DRC12: variants seen among roughly 807,000 people sequenced by gnomAD.
The protein encoded by DRC12 is dynein regulatory complex protein 12.
At chr11:119,191,994 T>A in the DRC12 span, among the ~76,000 whole-genome samples, 62 of 132,568 alleles carry the variant, frequency 4.7e-4, no homozygotes, top group African/African-American at 1.8e-3. Flanking sequence ...TTTTTTTTTT[T>A]AGTTGGAATC....
the DRC12 span, chr11:119,195,279 A>G: frequency 2.7e-6 from 2 of 742,526 alleles, no homozygotes; most frequent in Non-Finnish European, 4.5e-6. Flanking sequence ...AGCTCCCTGG[A>G]TCTGGCTGTG....
the DRC12 span, chr11:119,193,247 G>A: frequency 8.1e-6 from 13 of 1,613,640 alleles, no homozygotes; most frequent in South Asian, 1.3e-4. Context: ...CTCATCTCTG[G>A]GGTGGGGGCA....
the DRC12 span, among the ~76,000 whole-genome samples, chr11:119,194,542 A>AAATAAAT: frequency 2.1e-5 from 1 of 48,150 alleles, no homozygotes; most frequent in African/African-American, 8.7e-5. Context: ...AAAAAAAAAA[A>AAATAAAT]AAATAAATAA....
At chr11:119,190,333 A>C in the DRC12 span, 2 of 1,613,832 alleles carry the variant, frequency 1.2e-6, no homozygotes. The surrounding 1 kb of genome is among the most constrained non-coding windows in gnomAD (Gnocchi z 4.2). Context: ...TCAAAGATCC[A>C]GGGGGGGTGA....
chr11:119,192,700 G>A, the DRC12 span, among the ~76,000 whole-genome samples: 1 of 152,138 alleles, frequency 6.6e-6, no homozygotes, highest in African/African-American at 2.4e-5. Context: ...AGGCTGGAGT[G>A]CAATGGCGTG....
chr11:119,195,731 T>G, the DRC12 span: 1 of 489,844 alleles, frequency 2.0e-6, no homozygotes, highest in Admixed American at 3.7e-5. Context: ...CAACTCTCTT[T>G]TAGAGAAACG....
chr11:119,194,342 G>T, the DRC12 span, among the ~76,000 whole-genome samples: 1 of 151,710 alleles, frequency 6.6e-6, no homozygotes, highest in East Asian at 1.9e-4. Flanking sequence ...GTGAAAACCC[G>T]TCTCTACTAA....
the DRC12 span, chr11:119,190,274 CTT>C: frequency 6.2e-7 from 1 of 1,613,972 alleles, no homozygotes; most frequent in Non-Finnish European, 8.5e-7. This position sits in a 1 kb window ranked among gnomAD's most constrained non-coding sequence, Gnocchi z 4.2. Context: ...CATCAAGACA[CTT>C]TATTGCTGGG....
chr11:119,193,852 G>A, the DRC12 span: 1 of 1,551,556 alleles, frequency 6.4e-7, no homozygotes, highest in Non-Finnish European at 8.7e-7. Flanking sequence ...GTCTTCGGAA[G>A]CCTTGGCTCG....
At chr11:119,190,683 G>A in the DRC12 span, 3 of 1,606,340 alleles carry the variant, frequency 1.9e-6, no homozygotes, top group Non-Finnish European at 2.6e-6. The surrounding 1 kb of genome is among the most constrained non-coding windows in gnomAD (Gnocchi z 4.2). Context: ...GTACTGGGAT[G>A]GCTGGGATCC....
the DRC12 span, chr11:119,190,494 G>C: frequency 6.2e-7 from 1 of 1,611,676 alleles, no homozygotes; most frequent in Non-Finnish European, 8.5e-7. The surrounding 1 kb of genome is among the most constrained non-coding windows in gnomAD (Gnocchi z 4.2). Flanking sequence ...GAGAGAGAGG[G>C]AAGGAGTGAG....
At chr11:119,195,628 G>T in the DRC12 span, 1 of 672,796 alleles carries the variant, frequency 1.5e-6, no homozygotes, top group Admixed American at 2.7e-5. Context: ...TCAGTTCACA[G>T]TCTCTTTGGA....
chr11:119,193,980 G>A, the DRC12 span: 4 of 1,248,258 alleles, frequency 3.2e-6, no homozygotes, highest in South Asian at 1.4e-5. Context: ...CTAGAAATCT[G>A]GTGGTGGGGT....
At chr11:119,194,773 C>CA in the DRC12 span, 3 of 402,940 alleles carry the variant, frequency 7.4e-6, no homozygotes, top group South Asian at 2.6e-5. Context: ...TCTCACTGCC[C>CA]ACCCTCTCTC....
chr11:119,190,673 G>C, the DRC12 span: 2 of 1,603,366 alleles, frequency 1.2e-6, no homozygotes, highest in Admixed American at 3.4e-5. This position sits in a 1 kb window ranked among gnomAD's most constrained non-coding sequence, Gnocchi z 4.2. Context: ...GGAGTCCTGG[G>C]TACTGGGATG....
At chr11:119,194,542 A>AAAAAAAT in the DRC12 span, among the ~76,000 whole-genome samples, 7 of 48,212 alleles carry the variant, frequency 1.5e-4, no homozygotes, top group African/African-American at 6.1e-4. Context: ...AAAAAAAAAA[A>AAAAAAAT]AAATAAATAA....
chr11:119,190,371 G>T, the DRC12 span: 1 of 1,613,974 alleles, frequency 6.2e-7, no homozygotes, highest in Non-Finnish European at 8.5e-7. This position sits in a 1 kb window ranked among gnomAD's most constrained non-coding sequence, Gnocchi z 4.2. Flanking sequence ...TGCTCCTTGT[G>T]CCTGGCGTGA....
At chr11:119,190,596 G>A in the DRC12 span, 674 of 1,548,934 alleles carry the variant, frequency 4.4e-4, 7 homozygotes, top group Middle Eastern at 1.7e-4. The surrounding 1 kb of genome is among the most constrained non-coding windows in gnomAD (Gnocchi z 4.2). Context: ...GGGCTCCCTT[G>A]GAGACGCTCC....
the DRC12 span, chr11:119,190,299 A>C: frequency 6.2e-7 from 1 of 1,614,186 alleles, no homozygotes; most frequent in Admixed American, 1.7e-5. This position sits in a 1 kb window ranked among gnomAD's most constrained non-coding sequence, Gnocchi z 4.2. Context: ...CTCAGAGAAC[A>C]CTAGAGACTA....
Sources: gnomAD v4.1 joint callset for allele counts (sites outside exome capture counted in the v4.1 genomes callset) on GRCh38, gnomAD v4.1.1 for gene constraint, Gnocchi (gnomAD v3.1) non-coding constraint, MANE v1.5 for transcripts, NCBI Gene and HGNC (gene_info 2026-07-23, HGNC 2026-07-21) for gene names.